KAT5: variants seen among roughly 807,000 people sequenced by gnomAD.
KAT5 encodes histone acetyltransferase KAT5.
Under a neutral mutation model 68.1 loss-of-function variants are expected in KAT5, and 31 were observed. That is an observed-to-expected ratio of 0.46 (90% CI 0.34 to 0.61). The LOEUF (loss-of-function observed/expected upper bound fraction) is 0.61. Ranked by LOEUF, KAT5 falls within the 20% of genes least tolerant of loss-of-function variation. The pLI, the probability that KAT5 is intolerant of heterozygous loss-of-function variation, is 0.01. For missense variants in KAT5, 451 were observed against 725.5 expected, an observed-to-expected ratio of 0.62 and a Z score of 4.35; for synonymous variants, 365 against 292.6, an observed-to-expected ratio of 1.25 and a Z score of -2.52.
At position 65,713,774 on chromosome 11, in the gene KAT5, A is replaced by C. The variant is rs1016618224; in HGVS notation, c.616A>C (p.Asn206His). Residue 206 changes from asparagine to histidine, a missense_variant and splice_region_variant, in exon 6 of 13, where the codon AAT (asparagine) becomes CAT (histidine). By Grantham distance (68) the Asn-to-His change is moderately conservative. Transcript: ENST00000341318. ...ETAPASVFPQNGAARRAVAAQ... is the reference protein window; with the variant it reads ...ETAPASVFPQHGAARRAVAAQ... ...CCTTCTTTTCCTACTATCTCGGCAG[A>C]ATGGAGCCGCCCGTAGGGCAGTGGC... The C allele has an allele frequency of 3.1e-6, 5 of 1,612,588 alleles. No individual in the cohort carries two copies. The highest frequency in any genetic ancestry group is 4.2e-6 in the Non-Finnish European group (5 of 1,179,354).
intron 8 of KAT5, 157 bp from the exon 9 acceptor site, chr11:65,716,510 C>T (rs573589): frequency 0.39 from 258,776 of 664,082 alleles, 52,070 homozygotes; most frequent in Middle Eastern, 0.46. Flanking sequence ...GCCTAAGCTG[C>T]GGGCTGGTGG....
At chr11:65,717,407 T>C (rs969057825) in intron 10 of KAT5, 6 of 266,836 alleles carry the variant, frequency 2.2e-5, no homozygotes, top group Admixed American at 1.0e-4. Context: ...TGTCAGCAGA[T>C]AGACATAAGC....
At position 65,719,502 on chromosome 11, in the gene KAT5, CT is replaced by C; in HGVS notation, c.*325del. Reference sequence around the variant, plus strand: ...AGAGGGCTGGTGATTGTAAAAATTTCTTTTGTAAAGTAGAAGTTGGGGGTGG... The same window carrying C: ...AGAGGGCTGGTGATTGTAAAAATTTCTTTGTAAAGTAGAAGTTGGGGGTGG... On this transcript the variant is annotated 3_prime_UTR_variant, in exon 13 of 13. Coordinates refer to ENST00000341318, the MANE Select transcript of KAT5 (RefSeq NM_182710.3). 1.6e-6 allele frequency: 1 copy of C among 610,772 alleles called. No individual in the cohort carries two copies. The highest frequency in any genetic ancestry group is 2.9e-6 in the Non-Finnish European group (1 of 346,992). The allele number at this position is 610,772 out of a possible 1,614,324, so 37.8% of individuals were successfully genotyped here. A position where few individuals can be genotyped will look rare whatever the true frequency, so the allele number is the denominator to read the frequency against.
At chr11:65,716,590 G>A (rs1323942904) in intron 8 of KAT5, 77 bp from the exon 9 acceptor site, 1 of 1,418,870 alleles carries the variant, frequency 7.0e-7, no homozygotes, top group Non-Finnish European at 9.8e-7. Context: ...GAACAGTGAA[G>A]CTCCTGGTTG....
At position 65,719,043 on chromosome 11, in the gene KAT5, C is replaced by T. The variant is rs761790368; in HGVS notation, c.1507-4C>T. ...CACCTGCTGAACCCATCTCCTCTGC[C>T]CAGGGCCAGTACATCCTCACACTGT... On this transcript the variant is annotated splice_region_variant and splice_polypyrimidine_tract_variant and intron_variant, in intron 12 of 12. Transcript: ENST00000341318. 1 of 1,613,956 alleles carries T rather than the reference C, an allele frequency of 6.2e-7. No homozygotes were observed. The highest frequency in any genetic ancestry group is 1.7e-5 in the Admixed American group (1 of 59,990).
At chr11:65,712,619 G>T (rs2236682) in intron 1 of KAT5, 147 bp from the exon 2 acceptor site, 407,811 of 1,209,348 alleles carry the variant, frequency 0.34, 71,595 homozygotes, top group South Asian at 0.35. Flanking sequence ...GGCCTGGAAA[G>T]GGGTGGCACT....
chr11:65,716,767 ATGAC>A lies in KAT5; in HGVS notation c.1133_1136del (p.Asp378ValfsTer26). ...TTCCTCTTCTACGTCATGACAGAGT[ATGAC>A]TGTAAGGGCTTCCACATCGTGGGCT... On this transcript the variant is annotated frameshift_variant, in exon 9 of 13. Transcript: ENST00000341318. LOFTEE classifies it high-confidence loss of function. 1 of 1,614,122 alleles carries A rather than the reference ATGAC, an allele frequency of 6.2e-7. No individual in the cohort carries two copies. The highest frequency in any genetic ancestry group is 8.5e-7 in the Non-Finnish European group (1 of 1,179,980).
chr11:65,714,706 A>C lies in KAT5; in HGVS notation c.902A>C (p.Lys301Thr). Reference protein sequence around the residue: ...PVLYLCEFCLKYGRSLKCLQR... With the variant: ...PVLYLCEFCLTYGRSLKCLQR... Reference sequence around the variant, plus strand: ...CTCTACCTGTGCGAGTTCTGCCTCAAGTACGGCCGTAGTCTCAAGTGTCTT... The same window carrying C: ...CTCTACCTGTGCGAGTTCTGCCTCACGTACGGCCGTAGTCTCAAGTGTCTT... Residue 301 changes from lysine to threonine, a missense_variant, in exon 7 of 13, where the codon AAG becomes ACG. Coordinates refer to ENST00000341318, the MANE Select transcript of KAT5 (RefSeq NM_182710.3). The C allele has an allele frequency of 1.9e-6, 3 of 1,614,196 alleles. No individual in the cohort carries two copies. The highest frequency in any genetic ancestry group is 2.5e-6 in the Non-Finnish European group (3 of 1,180,036).
intron 6 of KAT5, 41 bp downstream of exon 6, chr11:65,713,889 A>G: frequency 6.6e-7 from 1 of 1,514,442 alleles, no homozygotes; most frequent in Non-Finnish European, 9.0e-7. Context: ...GGTGAAAAGG[A>G]AGGGATGCAG....
rs773132471 is a variant in KAT5, at chr11:65,718,778, A to G, written c.1424+29A>G. On this transcript the variant is annotated intron_variant, in intron 11 of 12. Transcript: ENST00000341318. ...AGCCTGGCGCTGTCTACCTGGGGGT[A>G]CATGGCATGGCTTGTCTGTTCCTGG... 7 of 1,614,102 alleles carry G rather than the reference A, an allele frequency of 4.3e-6. No individual in the cohort carries two copies. In the South Asian group the frequency reaches 7.7e-5, roughly 18 times the overall value.
intron 1 of KAT5, 122 bp from the exon 2 acceptor site, chr11:65,712,644 G>C (rs766500643): frequency 7.7e-7 from 1 of 1,302,450 alleles, no homozygotes; most frequent in Non-Finnish European, 1.1e-6. Context: ...ACTGAAGGAG[G>C]CTTAGGAGAG....
In KAT5 at chr11:65,713,937, A is replaced by T. The variant is rs1159299911; in HGVS notation, c.690+89A>T. 2.5e-6 allele frequency: 3 copies of T among 1,204,398 alleles called. No homozygotes were observed. The East Asian group carries it at 7.6e-5, about 31-fold the overall frequency. The allele number at this position is 1,204,398 out of a possible 1,614,324, so 74.6% of individuals were successfully genotyped here. ...GTTATTTAGTGATGAGTTTAAAAAT[A>T]AAGAAGGGGTGGTGGGCAGAGCTAG... On this transcript the variant is annotated intron_variant, in intron 6 of 12. Transcript: ENST00000341318.
rs773781257 is a variant in KAT5 at position 65,717,000 on chromosome 11, G to A, written c.1264+18G>A. The A allele has an allele frequency of 1.9e-4, 302 of 1,589,826 alleles. No homozygotes were observed. The highest frequency in any genetic ancestry group is 2.7e-5 in the African/African-American group (2 of 74,302). ...CGAGTTCAGTGAGTATGTGTGCTGC[G>A]GCCAGGGGGTAGTGGACCCACTATC... On this transcript the variant is annotated intron_variant, in intron 10 of 12. Transcript: ENST00000341318.
rs1009501704 is a variant in KAT5 at position 65,714,734 on chromosome 11, G to C, written c.930G>C (p.Gln310His). Residue 310 changes from glutamine to histidine, a missense_variant, in exon 7 of 13, where the codon CAG (glutamine) becomes CAC (histidine). This residue lies in a region of KAT5 where 210 missense variants were observed against 423.7 expected (regional missense o/e 0.50). Coordinates refer to ENST00000341318, the MANE Select transcript of KAT5 (RefSeq NM_182710.3). Reference protein sequence around the residue: ...LKYGRSLKCLQRHLTKCDLRH... With the variant: ...LKYGRSLKCLHRHLTKCDLRH... The stretch of plus-strand genomic sequence containing the variant: ...ACGGCCGTAGTCTCAAGTGTCTTCA[G>C]CGTCATTTGGTATGAGGGGTCCAGG... The C allele has an allele frequency of 6.8e-6, 11 of 1,614,066 alleles. No individual in the cohort carries two copies. The highest frequency in any genetic ancestry group is 7.6e-6 in the Non-Finnish European group (9 of 1,180,040).
In KAT5 at chr11:65,714,755, C is replaced by T. The variant is rs1383677665; in HGVS notation, c.939+12C>T. 6.2e-7 allele frequency: 1 copy of T among 1,614,168 alleles called. No homozygotes were observed. The highest frequency in any genetic ancestry group is 1.7e-5 in the Admixed American group (1 of 60,022). On this transcript the variant is annotated intron_variant, in intron 7 of 12. Transcript: ENST00000341318. ...TTCAGCGTCATTTGGTATGAGGGGTCCAGGGAGGCTGCCTTCCCAGCACCC... is the reference window on the plus strand; with the variant it reads ...TTCAGCGTCATTTGGTATGAGGGGTTCAGGGAGGCTGCCTTCCCAGCACCC...
chr11:65,713,961 A>G, intron 6 of KAT5, 113 bp downstream of exon 6: 1 of 981,542 alleles, frequency 1.0e-6, no homozygotes, highest in Non-Finnish European at 1.5e-6. Flanking sequence ...GGGCAGAGCT[A>G]GTGTTGGTGG....
In KAT5 at chr11:65,714,598, T is replaced by C; in HGVS notation, c.794T>C (p.Ile265Thr). The C allele has an allele frequency of 3.1e-6, 5 of 1,614,116 alleles. No individual in the cohort carries two copies. Among genetic ancestry groups the C allele is most frequent in the Non-Finnish European group, 3.4e-6 (4 of 1,180,012 alleles). The change falls in exon 7 of 13, where the codon ATT becomes ACT. Residue 265 changes from isoleucine to threonine, a missense_variant. Physicochemically the swap from Ile to Thr is moderately conservative, Grantham distance 89. This residue lies in a region of KAT5 where 210 missense variants were observed against 423.7 expected (regional missense o/e 0.50). Coordinates refer to ENST00000341318, the MANE Select transcript of KAT5 (RefSeq NM_182710.3). Reference protein sequence around the residue: ...HDDIVTRMKNIECIELGRHRL... With the variant: ...HDDIVTRMKNTECIELGRHRL... ...GACATCGTCACCCGGATGAAGAACA[T>C]TGAGTGCATTGAGCTGGGCCGGCAC... is the stretch of plus-strand genomic sequence containing the variant.
chr11:65,713,944 G>A, intron 6 of KAT5, 96 bp downstream of exon 6: 2 of 1,146,044 alleles, frequency 1.7e-6, no homozygotes, highest in South Asian at 1.4e-5. Context: ...AATAAAGAAG[G>A]GGTGGTGGGC....
chr11:65,718,798 TC>T, intron 11 of KAT5, 49 bp downstream of exon 11: 3 of 1,613,994 alleles, frequency 1.9e-6, no homozygotes, highest in African/African-American at 2.7e-5. Flanking sequence ...GCTTGTCTGT[TC>T]CTGGGCTTTC....
Sources: gnomAD v4.1 joint callset for allele counts on GRCh38, gnomAD v4.1.1 for gene constraint, gnomAD v4.1.1 regional missense constraint, MANE v1.5 for transcripts, NCBI Gene and HGNC (gene_info 2026-07-23, HGNC 2026-07-21) for gene names.